PPP2R5C: variants seen among roughly 807,000 people sequenced by gnomAD.
PPP2R5C encodes serine/threonine-protein phosphatase 2A 56 kDa regulatory subunit gamma isoform.
A neutral mutation model predicts 68.9 loss-of-function variants in PPP2R5C; 7 were observed. The observed-to-expected ratio is 0.10, with a 90% CI of 0.06 to 0.19. The LOEUF is 0.19. Ranked by LOEUF, PPP2R5C falls within the 10% of genes least tolerant of loss-of-function variation. PPP2R5C has a pLI of 1.00. For missense variants in PPP2R5C, 348 were observed against 641.3 expected (o/e 0.54, Z 4.94); for synonymous variants, 210 against 222.2 (o/e 0.95, Z 0.49).
chr14:101,824,034 G>A lies in PPP2R5C; in HGVS notation c.94+13998G>A, dbSNP rs1306150893. On this transcript the variant is annotated intron_variant, in intron 1 of 13. Coordinates refer to ENST00000334743, the Ensembl canonical transcript of PPP2R5C. ...ACTAGGCACAGTGCCCACTTGTTCC[G>A]TGGCACAGCCCCAGAGCTCCTGTTG... is the stretch of plus-strand genomic sequence containing the variant. 2.5e-5 allele frequency: 32 copies of A among 1,289,004 alleles called. No individual in the cohort carries two copies. In the South Asian group the frequency reaches 2.8e-4, roughly 11 times the overall value. The allele number at this position is 1,289,004 out of a possible 1,614,324, so 79.8% of individuals were successfully genotyped here.
upstream of PPP2R5C, chr14:101,761,839 C>T (rs2036556089): frequency 8.0e-6 from 8 of 1,006,222 alleles, no homozygotes; most frequent in South Asian, 3.2e-4. Context: ...GGCGCTGCTG[C>T]TGCGGGGGCA....
chr14:101,878,727 AC>A (rs2043954973), intron 2 of PPP2R5C, among the ~76,000 whole-genome samples: 1 of 152,220 alleles, frequency 6.6e-6, no homozygotes, highest in Non-Finnish European at 1.5e-5. Context: ...TTTGGGTCTC[AC>A]AGGCCTCTCA....
rs146545261 is a variant in PPP2R5C at position 101,837,516 on chromosome 14, T to C, written c.95-19170T>C. Among the ~76,000 whole-genome samples the C allele has an allele frequency of 3.9e-3, 592 of 152,310 alleles. 10 individuals carry two copies. Among genetic ancestry groups the C allele is most frequent in the African/African-American group, 0.013 (555 of 41,546 alleles). Reference sequence around the variant, plus strand: ...GGAAACCGATGTGATTTCCAAAAATTTGAAATAATTAGAAACCTTATTCTC... The same window carrying C: ...GGAAACCGATGTGATTTCCAAAAATCTGAAATAATTAGAAACCTTATTCTC... On this transcript the variant is annotated intron_variant, in intron 1 of 13. Coordinates refer to ENST00000334743, the Ensembl canonical transcript of PPP2R5C.
rs1444624293 is a variant in PPP2R5C, at chr14:101,858,104, G to C, written c.294+1219G>C. Among the ~76,000 whole-genome samples, 11 of 152,180 alleles carry C rather than the reference G, an allele frequency of 7.2e-5. 1 individual carries two copies. The highest frequency in any genetic ancestry group is 7.2e-4 in the Admixed American group (11 of 15,280). On this transcript the variant is annotated intron_variant, in intron 2 of 13. Coordinates refer to ENST00000334743, the Ensembl canonical transcript of PPP2R5C. The stretch of plus-strand genomic sequence containing the variant: ...AAAGGCCATGCGGGTTCCTGTCCCA[G>C]ACTTGTGCCTGAAGAAGAGTAATAG...
chr14:101,768,725 C>T (rs77860443), intron 2 of PPP2R5C, among the ~76,000 whole-genome samples: 4,062 of 152,108 alleles, frequency 0.027, 180 homozygotes, highest in African/African-American at 0.092. Context: ...CCTTGTGGAC[C>T]CCTGAAAGGG....
chr14:101,878,037 G>A (rs75563345), intron 2 of PPP2R5C, among the ~76,000 whole-genome samples: 7,662 of 152,280 alleles, frequency 0.05, 217 homozygotes, highest in Non-Finnish European at 0.055. Context: ...GGTGTAGCAG[G>A]GTTTGTTCCC....
intron 1 of PPP2R5C, among the ~76,000 whole-genome samples, chr14:101,834,048 A>G (rs2040930998): frequency 6.6e-6 from 1 of 152,142 alleles, no homozygotes; most frequent in African/African-American, 2.4e-5. Context: ...ACCTCAAGTG[A>G]TCCACCTGCC....
chr14:101,894,366 T>C, intron 7 of PPP2R5C, 141 bp from the exon 10 acceptor site: 1 of 628,612 alleles, frequency 1.6e-6, no homozygotes, highest in East Asian at 2.7e-5. Context: ...TAAATGTTAA[T>C]GCCCGTTAAT....
At chr14:101,848,679 G>T (rs975337038) in intron 1 of PPP2R5C, among the ~76,000 whole-genome samples, 1 of 152,210 alleles carries the variant, frequency 6.6e-6, no homozygotes, top group Non-Finnish European at 1.5e-5. Flanking sequence ...GCTGACAATC[G>T]TGCAGCCGAA....
intron 2 of PPP2R5C, among the ~76,000 whole-genome samples, chr14:101,880,126 A>G (rs985718582): frequency 6.6e-6 from 1 of 152,176 alleles, no homozygotes; most frequent in Non-Finnish European, 1.5e-5. Context: ...CACTAGCTTC[A>G]CAGAGGAGGG....
At chr14:101,790,347 C>T (rs989163227) in intron 3 of PPP2R5C, among the ~76,000 whole-genome samples, 2 of 152,288 alleles carry the variant, frequency 1.3e-5, no homozygotes, top group African/African-American at 2.4e-5. Context: ...GTTGTGCAAC[C>T]GTCACCACAA....
exon 14 of PPP2R5C, chr14:101,925,419 G>T: frequency 7.5e-7 from 1 of 1,341,334 alleles, no homozygotes; most frequent in African/African-American, 1.5e-5. Context: ...CCGCCTCAGC[G>T]CGAGATTAGG....
chr14:101,903,038 A>G (rs1260505396), intron 9 of PPP2R5C, among the ~76,000 whole-genome samples: 1 of 147,124 alleles, frequency 6.8e-6, no homozygotes, highest in Non-Finnish European at 1.5e-5. Flanking sequence ...TTTTTTCATC[A>G]ATCCTGGCCT....
chr14:101,894,004 C>G (rs1221175044), intron 7 of PPP2R5C, among the ~76,000 whole-genome samples: 1 of 152,234 alleles, frequency 6.6e-6, no homozygotes, highest in Non-Finnish European at 1.5e-5. Flanking sequence ...GCCCCACTTT[C>G]AGAGCTTATG....
chr14:101,889,707 G>C, intron 5 of PPP2R5C: 1 of 302,852 alleles, frequency 3.3e-6, no homozygotes, highest in South Asian at 2.8e-5. Flanking sequence ...CGGAGGATGC[G>C]TGTGGGTGTC....
At chr14:101,828,493 A>G (rs188897062) in intron 1 of PPP2R5C, among the ~76,000 whole-genome samples, 15 of 152,272 alleles carry the variant, frequency 9.9e-5, no homozygotes, top group African/African-American at 3.4e-4. Flanking sequence ...CAGAGGATAT[A>G]CATCAAGGCA....
rs1194615004 is a variant in PPP2R5C, at chr14:101,781,239, A to T, written c.94-4779A>T. 2.6e-5 allele frequency among the ~76,000 whole-genome samples: 4 copies of T among 152,170 alleles called. No individual in the cohort carries two copies. Among genetic ancestry groups the T allele is most frequent in the Non-Finnish European group, 5.9e-5 (4 of 68,012 alleles). On this transcript the variant is annotated intron_variant, in intron 2 of 14. Transcript: ENST00000328724. The surrounding 1 kb of genome is among the most constrained non-coding windows in gnomAD (Gnocchi z 6.4). ...GCGGTGTTGGTGGTGTCTGGTGCCC[A>T]GGAGGAGGGCTTGTTTACAGCTGCC...
At chr14:101,920,403 G>A (rs2046944080) in intron 13 of PPP2R5C, among the ~76,000 whole-genome samples, 1 of 152,266 alleles carries the variant, frequency 6.6e-6, no homozygotes, top group South Asian at 2.1e-4. Context: ...AGGCAGGACA[G>A]TTCTTGGAGA....
chr14:101,812,574 T>C (rs2039428113), intron 1 of PPP2R5C, among the ~76,000 whole-genome samples: 1 of 152,242 alleles, frequency 6.6e-6, no homozygotes, highest in Non-Finnish European at 1.5e-5. Flanking sequence ...CATTTTAAAA[T>C]AGGAATGTTG....
Sources: allele counts gnomAD v4.1 joint callset (sites outside exome capture counted in the v4.1 genomes callset), GRCh38; gene constraint gnomAD v4.1.1; non-coding constraint Gnocchi (gnomAD v3.1); transcripts MANE v1.5; gene names NCBI Gene and HGNC (gene_info 2026-07-23, HGNC 2026-07-21).